The following BIRC2 variants were observed in gnomAD, a reference collection of about 807,000 sequenced individuals.
BIRC2 encodes baculoviral IAP repeat-containing protein 2.
Under a neutral mutation model 60.9 loss-of-function variants are expected in BIRC2, and 18 were observed. The observed-to-expected ratio is 0.30, with a 90% CI of 0.20 to 0.44. The LOEUF (loss-of-function observed/expected upper bound fraction) is 0.44. BIRC2 is among the 20% of genes least tolerant of loss of function. The pLI is 1.00. For missense variants in BIRC2, 701 were observed against 728.5 expected (o/e 0.96, Z 0.43); for synonymous variants, 282 against 247.7 (o/e 1.14, Z -1.30).
intron 3 of BIRC2, among the ~76,000 whole-genome samples, chr11:102,351,614 CAAAAAAAAAAAAA>C (rs768269523): frequency 4.4e-5 from 3 of 68,610 alleles, no homozygotes; most frequent in Non-Finnish European, 7.7e-5. Context: ...GACTCTGTCT[CAAAAAAAAAAAAA>C]AAAAAAAAAA....
At chr11:102,369,976 C>T (rs1396292055) in intron 6 of BIRC2, among the ~76,000 whole-genome samples, 25 of 152,144 alleles carry the variant, frequency 1.6e-4, no homozygotes, top group Admixed American at 1.3e-3. Context: ...TTGAGAAGTG[C>T]CTGTTCATGT....
chr11:102,376,762 A>C (rs752918072), intron 6 of BIRC2, among the ~76,000 whole-genome samples: 1 of 152,212 alleles, frequency 6.6e-6, no homozygotes. Flanking sequence ...GTAGTTAACT[A>C]TGTACCACAT....
intron 3 of BIRC2, among the ~76,000 whole-genome samples, chr11:102,356,443 G>A (rs910520515): frequency 3.3e-5 from 5 of 151,880 alleles, no homozygotes; most frequent in African/African-American, 9.7e-5. Flanking sequence ...TGATCCACCT[G>A]CCTCAGCCTC....
chr11:102,377,389 CTTTA>C, intron 6 of BIRC2, 103 bp from the exon 7 acceptor site: 2 of 1,011,654 alleles, frequency 2.0e-6, no homozygotes, highest in Non-Finnish European at 2.8e-6. Context: ...CTTTTTTGAA[CTTTA>C]TTTAGTGCCT....
At chr11:102,375,615 C>A (rs1421796272) in intron 6 of BIRC2, among the ~76,000 whole-genome samples, 1 of 151,992 alleles carries the variant, frequency 6.6e-6, no homozygotes, top group African/African-American at 2.4e-5. Flanking sequence ...CCCGTCTTGA[C>A]TAAAAATACA....
At position 102,378,183 on chromosome 11, in the gene BIRC2, A is replaced by G; in HGVS notation, c.1857A>G (p.Ter619=). The change falls in exon 9 of 9, where the codon TAA becomes TAG. Residue 619 remains the stop codon, a stop_retained_variant. Transcript: ENST00000227758. ...IKGTVRTFLS[*] ...GTACTGTTCGTACATTTCTCTCTTA[A>G]AGAAAAATAGTCTATATTTTAACCT... 6.3e-7 allele frequency: 1 copy of G among 1,580,112 alleles called. No individual in the cohort carries two copies. Among genetic ancestry groups the G allele is most frequent in the Admixed American group, 2.0e-5 (1 of 50,518 alleles).
At position 102,377,708 on chromosome 11, in the gene BIRC2, T is replaced by G. The variant is rs1226139229; in HGVS notation, c.1579T>G (p.Cys527Gly). 1.9e-6 allele frequency: 3 copies of G among 1,607,722 alleles called. No homozygotes were observed. Among genetic ancestry groups the G allele is most frequent in the Non-Finnish European group, 2.5e-6 (3 of 1,178,674 alleles). The change falls in exon 7 of 9, where the codon TGT becomes GGT. Residue 527 changes from cysteine to glycine, a missense_variant. Cys to Gly is a radical substitution (Grantham distance 159). This residue lies in a region of BIRC2 where 235 missense variants were observed against 208.9 expected (regional missense o/e 1.12). Coordinates refer to ENST00000227758, the MANE Select transcript of BIRC2 (RefSeq NM_001166.5). ...TGCTGCGGCCAACATCTTCAAAAAC[T>G]GTCTAAAAGAAATTGACTCTACATT... is the stretch of plus-strand genomic sequence containing the variant. ...GNAAANIFKNCLKEIDSTLYK... is the reference protein window; with the variant it reads ...GNAAANIFKNGLKEIDSTLYK...
At position 102,356,761 on chromosome 11, in the gene BIRC2, C is replaced by T. The variant is rs577658400; in HGVS notation, c.995+5818C>T. Among the ~76,000 whole-genome samples, 9 of 151,112 alleles carry T rather than the reference C, an allele frequency of 6.0e-5. No homozygotes were observed. The East Asian group carries it at 1.8e-3, about 29-fold the overall frequency. ...TGATGCAATCTCAGTTCACTGCAAC[C>T]TCTGCCTCCTGGGTTCAAGTGATTC... On this transcript the variant is annotated intron_variant, in intron 3 of 8. Coordinates refer to ENST00000227758, the MANE Select transcript of BIRC2 (RefSeq NM_001166.5).
chr11:102,376,573 A>G (rs1951716672), intron 6 of BIRC2, among the ~76,000 whole-genome samples: 2 of 152,216 alleles, frequency 1.3e-5, no homozygotes, highest in African/African-American at 4.8e-5. Context: ...GACAAATTTT[A>G]TAATGATTCA....
In BIRC2 at chr11:102,363,639, T is replaced by C. The variant is rs139206080; in HGVS notation, c.1075-29T>C. Reference sequence around the variant, plus strand: ...TCAGATTGTTGGGGATATCTGCTTTTACCTATTAACTTTTCTCTTGTTTCA... The same window carrying C: ...TCAGATTGTTGGGGATATCTGCTTTCACCTATTAACTTTTCTCTTGTTTCA... On this transcript the variant is annotated intron_variant, in intron 4 of 8. Coordinates refer to ENST00000227758, the MANE Select transcript of BIRC2 (RefSeq NM_001166.5). 1.4e-4 allele frequency: 217 copies of C among 1,588,164 alleles called. 1 individual carries two copies. In the South Asian group the frequency reaches 1.8e-3, roughly 13 times the overall value.
At chr11:102,352,890 G>A (rs1376100773) in intron 3 of BIRC2, among the ~76,000 whole-genome samples, 1 of 152,080 alleles carries the variant, frequency 6.6e-6, no homozygotes, top group African/African-American at 2.4e-5. Flanking sequence ...TCGTCATTTT[G>A]TATGATATAT....
At chr11:102,366,449 C>G (rs960020306) in intron 5 of BIRC2, among the ~76,000 whole-genome samples, 4 of 151,804 alleles carry the variant, frequency 2.6e-5, no homozygotes, top group African/African-American at 9.7e-5. Context: ...TCACTGGAAG[C>G]TCCACCCGCC....
intron 6 of BIRC2, 61 bp downstream of exon 6, chr11:102,368,609 A>C (rs1376108658): frequency 6.4e-7 from 1 of 1,571,650 alleles, no homozygotes; most frequent in East Asian, 2.3e-5. Flanking sequence ...ACTGTCTCAC[A>C]TGTTACAGGA....
At chr11:102,362,516 T>C (rs548197489) in intron 3 of BIRC2, among the ~76,000 whole-genome samples, 22 of 152,336 alleles carry the variant, frequency 1.4e-4, no homozygotes, top group Non-Finnish European at 2.5e-4. Context: ...AGTTATTGTA[T>C]TGTGAAAGAT....
chr11:102,378,230 A>G lies in BIRC2; in HGVS notation c.*47A>G, dbSNP rs1382976418. 6 of 1,413,702 alleles carry G rather than the reference A, an allele frequency of 4.2e-6. No individual in the cohort carries two copies. The highest frequency in any genetic ancestry group is 2.0e-4 in the Middle Eastern group (1 of 5,014). 87.6% of individuals were successfully genotyped at this position (1,413,702 alleles called of 1,614,324 possible). A position where few individuals can be genotyped will look rare whatever the true frequency, so the allele number is the denominator to read the frequency against. ...ACCTGCATAAAAAGGTCTTTAAAAT[A>G]TTGTTGAACACTTGAAGCCATCTAA... On this transcript the variant is annotated 3_prime_UTR_variant, in exon 9 of 9. Coordinates refer to ENST00000227758, the MANE Select transcript of BIRC2 (RefSeq NM_001166.5).
rs1951348600 is a variant in BIRC2 at position 102,350,648 on chromosome 11, G to A, written c.794G>A (p.Ser265Asn). 1 of 1,613,922 alleles carries A rather than the reference G, an allele frequency of 6.2e-7. No homozygotes were observed. Among genetic ancestry groups the A allele is most frequent in the South Asian group, 1.1e-5 (1 of 91,088 alleles). The change falls in exon 2 of 9, where the codon AGC becomes AAC. Residue 265 changes from serine (S) to asparagine (N), a missense_variant. By Grantham distance (46) the Ser-to-Asn change is conservative (BLOSUM62 1). Around this residue, in one of 4 missense-constraint regions of BIRC2, gnomAD observed 375 missense variants for 365.9 expected, o/e 1.02. Coordinates refer to ENST00000227758, the MANE Select transcript of BIRC2 (RefSeq NM_001166.5). Reference sequence around the variant, plus strand: ...CTGAGGTTTAGCATTTCAAATCTGAGCATGCAGACACATGCAGCTCGAATG... The same window carrying A: ...CTGAGGTTTAGCATTTCAAATCTGAACATGCAGACACATGCAGCTCGAATG... Reference protein sequence around the residue: ...ETLRFSISNLSMQTHAARMRT... With the variant: ...ETLRFSISNLNMQTHAARMRT...
At chr11:102,351,227 A>G (rs1951355003) in intron 3 of BIRC2, among the ~76,000 whole-genome samples, 2 of 152,224 alleles carry the variant, frequency 1.3e-5, no homozygotes, top group Admixed American at 1.3e-4. Flanking sequence ...TATAAAATAG[A>G]TTAAAAAGAC....
chr11:102,348,149 G>T (rs1160827617), intron 1 of BIRC2: 1 of 152,240 alleles, frequency 6.6e-6, no homozygotes, highest in Non-Finnish European at 1.5e-5. Flanking sequence ...TTTTACTGCA[G>T]TTTTCCTAGT....
Position 102,349,939 on chromosome 11 carries a change from T to G in BIRC2, c.85T>G (p.Ser29Ala). The change falls in exon 2 of 9, where the codon TCA becomes GCA. Residue 29 changes from serine (S) to alanine (A), a missense_variant. By Grantham distance (99) the Ser-to-Ala change is moderately conservative. This residue lies in a region of BIRC2 where 375 missense variants were observed against 365.9 expected (regional missense o/e 1.02). Coordinates refer to ENST00000227758, the MANE Select transcript of BIRC2 (RefSeq NM_001166.5). ...KSIMEDSTIL[S>A]DWTNSNKQKM... is the part of the protein sequence containing the mutation. ...TATAATGGAAGATAGCACGATCTTG[T>G]CAGATTGGACAAACAGCAACAAACA... The G allele has an allele frequency of 6.2e-7, 1 of 1,614,204 alleles. No individual in the cohort carries two copies. The highest frequency in any genetic ancestry group is 8.5e-7 in the Non-Finnish European group (1 of 1,180,022).
Sources: allele counts gnomAD v4.1 joint callset (sites outside exome capture counted in the v4.1 genomes callset), GRCh38; gene constraint gnomAD v4.1.1; regional missense constraint gnomAD v4.1.1; transcripts MANE v1.5; gene names NCBI Gene and HGNC (gene_info 2026-07-23, HGNC 2026-07-21).